The following ITGA9 variants were observed in gnomAD, a reference collection of about 807,000 sequenced individuals.
The protein encoded by ITGA9 is integrin alpha-9.
In ITGA9, 56 loss-of-function variants were observed where a neutral mutation model predicts 127.8. The observed-to-expected ratio is 0.44, with a 90% CI of 0.35 to 0.55. ITGA9 has a LOEUF of 0.55. ITGA9 is among the 20% of genes least tolerant of loss of function. The pLI is 0.00. For missense variants in ITGA9, 1,196 were observed against 1,347.1 expected, an observed-to-expected ratio of 0.89 and a Z score of 1.76; for synonymous variants, 508 against 514.5, an observed-to-expected ratio of 0.99 and a Z score of 0.17.
At position 37,513,983 on chromosome 3, in the gene ITGA9, G is replaced by A. The variant is rs1258657574; in HGVS notation, c.1035+83G>A. 1.9e-6 allele frequency: 3 copies of A among 1,543,596 alleles called. No homozygotes were observed. The East Asian group carries it at 6.7e-5, about 35-fold the overall frequency. On this transcript the variant is annotated intron_variant, in intron 9 of 27. Coordinates refer to ENST00000264741, the MANE Select transcript of ITGA9 (RefSeq NM_002207.3). The stretch of plus-strand genomic sequence containing the variant: ...CAGCAGTGGCCGAGCACCCCTCTGG[G>A]CCGGCACTGGGGGCAATGTTACCCA...
chr3:37,810,954 T>A (rs1453629458), intron 27 of ITGA9, among the ~76,000 whole-genome samples: 1 of 152,244 alleles, frequency 6.6e-6, no homozygotes, highest in African/African-American at 2.4e-5. Context: ...CTCATCTGCC[T>A]CTGACCCTGT....
chr3:37,790,312 CT>C, intron 26 of ITGA9: 1 of 534,108 alleles, frequency 1.9e-6, no homozygotes. Flanking sequence ...TGGATAGAGA[CT>C]AATCTGCTCT....
At chr3:37,658,378 G>A (rs1700498633) in intron 17 of ITGA9, among the ~76,000 whole-genome samples, 2 of 152,104 alleles carry the variant, frequency 1.3e-5, no homozygotes, top group Non-Finnish European at 2.9e-5. Flanking sequence ...CCTGTATTGG[G>A]TGCATATATA....
chr3:37,776,352 C>A (rs1036417846), intron 23 of ITGA9, among the ~76,000 whole-genome samples: 3 of 151,872 alleles, frequency 2.0e-5, no homozygotes, highest in Non-Finnish European at 2.9e-5. Flanking sequence ...AAAAAAAAAC[C>A]AACAGCAAAA....
chr3:37,582,025 C>T (rs1195397293), intron 15 of ITGA9, among the ~76,000 whole-genome samples: 3 of 152,130 alleles, frequency 2.0e-5, no homozygotes, highest in Non-Finnish European at 2.9e-5. Context: ...GCAAAATCTC[C>T]CCTTCCTGTC....
At chr3:37,517,425 T>C in intron 9 of ITGA9, 79 bp from the exon 10 acceptor site, 1 of 1,144,010 alleles carries the variant, frequency 8.7e-7, no homozygotes, top group East Asian at 2.6e-5. Context: ...ATTCAAACTC[T>C]GGTTTTTTAT....
rs938816993 is a variant in ITGA9 at position 37,452,245 on chromosome 3, C to T, written c.-130C>T. 98 of 363,040 alleles carry T rather than the reference C, an allele frequency of 2.7e-4. No homozygotes were observed. Among genetic ancestry groups the T allele is most frequent in the Non-Finnish European group, 3.3e-4 (87 of 261,218 alleles). The allele number at this position is 363,040 out of a possible 1,614,324, so 22.5% of individuals were successfully genotyped here. A position where few individuals can be genotyped will look rare whatever the true frequency, so the allele number is the denominator to read the frequency against. Reference sequence around the variant, plus strand: ...CCGCGCCCCGGTGGCGGGCCCGACGCCCGCATTCCGCCCGTGTCCAGGCGC... The same window carrying T: ...CCGCGCCCCGGTGGCGGGCCCGACGTCCGCATTCCGCCCGTGTCCAGGCGC... On this transcript the variant is annotated 5_prime_UTR_variant, in exon 1 of 28. Coordinates refer to ENST00000264741, the MANE Select transcript of ITGA9 (RefSeq NM_002207.3). The surrounding 1 kb of genome is among the most constrained non-coding windows in gnomAD (Gnocchi z 7.3).
chr3:37,534,553 A>G (rs1431546188), intron 14 of ITGA9, among the ~76,000 whole-genome samples: 2 of 152,262 alleles, frequency 1.3e-5, no homozygotes, highest in African/African-American at 4.8e-5. Context: ...CCTCAGCCAC[A>G]CCTCAAATGT....
intron 26 of ITGA9, among the ~76,000 whole-genome samples, chr3:37,785,693 G>A (rs571807886): frequency 1.3e-5 from 2 of 152,164 alleles, no homozygotes; most frequent in African/African-American, 4.8e-5. Flanking sequence ...TGCTCAGGCT[G>A]GTCTCAAACT....
At chr3:37,634,548 A>C (rs1269539983) in intron 16 of ITGA9, among the ~76,000 whole-genome samples, 1 of 152,222 alleles carries the variant, frequency 6.6e-6, no homozygotes, top group Admixed American at 6.5e-5. Flanking sequence ...GCAAGAGGAC[A>C]TAACAATTGT....
chr3:37,649,305 C>A (rs996662757), intron 16 of ITGA9, among the ~76,000 whole-genome samples: 11 of 151,408 alleles, frequency 7.3e-5, no homozygotes, highest in East Asian at 1.9e-4. Context: ...TTAAAAAAAA[C>A]AACAACAACC....
intron 15 of ITGA9, among the ~76,000 whole-genome samples, chr3:37,580,250 A>G (rs1022565883): frequency 2.0e-5 from 3 of 152,166 alleles, no homozygotes; most frequent in African/African-American, 4.8e-5. Flanking sequence ...TCAGTACTTC[A>G]TGTTTGTAAA....
chr3:37,581,492 A>G (rs1699709297), intron 15 of ITGA9, among the ~76,000 whole-genome samples: 1 of 152,220 alleles, frequency 6.6e-6, no homozygotes, highest in Admixed American at 6.5e-5. Flanking sequence ...TGGAGGAAAG[A>G]GAGAATGCGT....
intron 23 of ITGA9, among the ~76,000 whole-genome samples, chr3:37,765,742 C>T (rs988286685): frequency 5.3e-5 from 8 of 152,250 alleles, no homozygotes; most frequent in African/African-American, 1.7e-4. Flanking sequence ...GCTTCAGTCC[C>T]GGCTGTCCGT....
At chr3:37,469,119 G>A (rs182503164) in intron 1 of ITGA9, among the ~76,000 whole-genome samples, 6 of 152,230 alleles carry the variant, frequency 3.9e-5, no homozygotes, top group East Asian at 3.9e-4. Flanking sequence ...CATTTCCCCC[G>A]TGTTCTGCAC....
At chr3:37,573,101 C>T (rs1448494256) in intron 15 of ITGA9, 1 of 152,166 alleles carries the variant, frequency 6.6e-6, no homozygotes, top group Non-Finnish European at 1.5e-5. Context: ...GGCCCAGGCT[C>T]CACAGGCAGT....
chr3:37,686,848 G>A (rs1009817776), intron 18 of ITGA9, among the ~76,000 whole-genome samples: 6 of 152,076 alleles, frequency 3.9e-5, no homozygotes, highest in East Asian at 1.9e-4. Context: ...CTCCAGCCAC[G>A]CTGCAAGGTT....
intron 18 of ITGA9, among the ~76,000 whole-genome samples, chr3:37,714,138 GT>G (rs1701107915): frequency 6.6e-6 from 1 of 152,200 alleles, no homozygotes; most frequent in Non-Finnish European, 1.5e-5. Flanking sequence ...CCACTTAATA[GT>G]TACATGGATA....
intron 15 of ITGA9, among the ~76,000 whole-genome samples, chr3:37,583,102 CA>C (rs1699725484): frequency 6.6e-6 from 1 of 152,154 alleles, no homozygotes; most frequent in Non-Finnish European, 1.5e-5. Flanking sequence ...TTAACCTATA[CA>C]ATTGCCAATA....
Sources: allele counts gnomAD v4.1 joint callset (sites outside exome capture counted in the v4.1 genomes callset), GRCh38; gene constraint gnomAD v4.1.1; non-coding constraint Gnocchi (gnomAD v3.1); transcripts MANE v1.5; gene names NCBI Gene and HGNC (gene_info 2026-07-23, HGNC 2026-07-21).